CNTN4: variants seen among roughly 807,000 people sequenced by gnomAD.
The protein encoded by CNTN4 is contactin-4.
Under a neutral mutation model 122.5 loss-of-function variants are expected in CNTN4, and 77 were observed. That is an observed-to-expected ratio of 0.63 (90% CI 0.52 to 0.76). CNTN4 has a LOEUF of 0.76. CNTN4 is among the 30% of genes least tolerant of loss of function. CNTN4 has a pLI of 0.00. For synonymous variants in CNTN4, 512 were observed against 447.0 expected, an observed-to-expected ratio of 1.15 and a Z score of -1.83; for missense variants, 1,256 against 1,259.1, an observed-to-expected ratio of 1.00 and a Z score of 0.04.
At chr3:2,354,437 A>G (rs1004589579) in intron 3 of CNTN4, among the ~76,000 whole-genome samples, 1 of 152,214 alleles carries the variant, frequency 6.6e-6, no homozygotes, top group African/African-American at 2.4e-5. Context: ...AGGCTGAGGC[A>G]GGAGAATCAC....
intron 13 of CNTN4, among the ~76,000 whole-genome samples, chr3:2,970,015 A>G: frequency 6.6e-6 from 1 of 152,172 alleles, no homozygotes; most frequent in East Asian, 1.9e-4. Flanking sequence ...CTCTGCACAG[A>G]AAGAAATTCA....
chr3:2,391,225 A>ATGACTG (rs1384128868), intron 3 of CNTN4, among the ~76,000 whole-genome samples: 6 of 152,210 alleles, frequency 3.9e-5, no homozygotes, highest in African/African-American at 1.4e-4. Flanking sequence ...CCAATCAAAA[A>ATGACTG]TGACTGAAGC....
At chr3:2,357,486 A>G (rs767819293) in intron 3 of CNTN4, among the ~76,000 whole-genome samples, 2 of 152,172 alleles carry the variant, frequency 1.3e-5, no homozygotes, top group African/African-American at 2.4e-5. Flanking sequence ...ATCGCTGTCT[A>G]GTTTTCAGCT....
chr3:2,275,397 C>T (rs2041466272), intron 2 of CNTN4, among the ~76,000 whole-genome samples: 1 of 152,172 alleles, frequency 6.6e-6, no homozygotes. Flanking sequence ...ATCGGCACTA[C>T]AGTTTTTATT....
At chr3:2,939,077 T>G (rs918691221) in intron 13 of CNTN4, among the ~76,000 whole-genome samples, 1 of 152,208 alleles carries the variant, frequency 6.6e-6, no homozygotes, top group Non-Finnish European at 1.5e-5. Flanking sequence ...CATGTAAATA[T>G]TGAAGGTCTG....
chr3:2,347,036 A>G (rs2150405976), intron 3 of CNTN4, among the ~76,000 whole-genome samples: 1 of 152,224 alleles, frequency 6.6e-6, no homozygotes, highest in South Asian at 2.1e-4. Flanking sequence ...TTCATTTTGC[A>G]TTATAAGAAA....
chr3:2,973,336 G>A (rs992726468), intron 13 of CNTN4, among the ~76,000 whole-genome samples: 3 of 151,920 alleles, frequency 2.0e-5, no homozygotes, highest in African/African-American at 7.3e-5. Context: ...AGGCTTTATT[G>A]AGTTTTACAG....
chr3:2,674,364 CA>C (rs1363941126), intron 4 of CNTN4, among the ~76,000 whole-genome samples: 2 of 152,012 alleles, frequency 1.3e-5, no homozygotes, highest in Non-Finnish European at 1.5e-5. Flanking sequence ...ATGATCAAAT[CA>C]GGGTAATTAG....
Position 2,784,512 on chromosome 3 carries a change from A to G in CNTN4, c.359-34974A>G, listed in dbSNP as rs1188647103. ...ACAACTAAGAAGTGGTAGAAATAATATTCAAAGTTAAACCATACTCTGATG... is the reference window on the plus strand; with the variant it reads ...ACAACTAAGAAGTGGTAGAAATAATGTTCAAAGTTAAACCATACTCTGATG... On this transcript the variant is annotated intron_variant, in intron 6 of 24. Coordinates refer to ENST00000418658, the MANE Select transcript of CNTN4 (RefSeq NM_175607.3). Among the ~76,000 whole-genome samples, 5 of 152,222 alleles carry G rather than the reference A, an allele frequency of 3.3e-5. No individual in the cohort carries two copies. In the East Asian group the frequency reaches 9.6e-4, roughly 29 times the overall value.
intron 4 of CNTN4, among the ~76,000 whole-genome samples, chr3:2,652,138 C>T (rs1314083339): frequency 6.6e-6 from 1 of 151,772 alleles, no homozygotes; most frequent in Admixed American, 6.6e-5. Context: ...AGGAGGATTG[C>T]TTGAGCTCAC....
intron 2 of CNTN4, among the ~76,000 whole-genome samples, chr3:2,155,524 G>T (rs998596478): frequency 6.6e-6 from 1 of 152,104 alleles, no homozygotes; most frequent in Non-Finnish European, 1.5e-5. Flanking sequence ...TTTTTCTTTT[G>T]CCTGACTTGA....
rs560033156 is a variant in CNTN4 at position 3,053,410 on chromosome 3, G to A, written c.2812-397G>A. 1.4e-3 allele frequency among the ~76,000 whole-genome samples: 220 copies of A among 152,294 alleles called. 1 individual carries two copies. In the Middle Eastern group the frequency reaches 0.017, roughly 12 times the overall value. On this transcript the variant is annotated intron_variant, in intron 23 of 24. Transcript: ENST00000418658. Reference sequence around the variant, plus strand: ...CCCTTTTACAGATGACTGAAGTGAGGCTCTGAAAGGTGAAGTGGCCTGTGA... The same window carrying A: ...CCCTTTTACAGATGACTGAAGTGAGACTCTGAAAGGTGAAGTGGCCTGTGA...
Position 2,396,290 on chromosome 3 carries a change from G to T in CNTN4, c.-89+57057G>T, listed in dbSNP as rs548975851. ...TCTGCCCTCCTTGGCCTTCCAAAGT[G>T]CTGGGATTACAGGCATGAGCCAAAG... On this transcript the variant is annotated intron_variant, in intron 3 of 24. Transcript: ENST00000418658. Among the ~76,000 whole-genome samples the T allele has an allele frequency of 2.6e-5, 4 of 152,276 alleles. No homozygotes were observed. The South Asian group carries it at 8.3e-4, about 32-fold the overall frequency.
intron 13 of CNTN4, among the ~76,000 whole-genome samples, chr3:2,956,075 T>C (rs566371002): frequency 5.3e-5 from 8 of 152,138 alleles, no homozygotes; most frequent in African/African-American, 1.9e-4. Flanking sequence ...ATAAACAAAC[T>C]GGGGTATACA....
chr3:2,656,854 A>G (rs978980150), intron 4 of CNTN4, among the ~76,000 whole-genome samples: 5 of 152,192 alleles, frequency 3.3e-5, no homozygotes, highest in African/African-American at 1.2e-4. Flanking sequence ...TGGTGGAAGG[A>G]CTGCCAGTTT....
chr3:2,890,057 G>C (rs1319020741), intron 10 of CNTN4, among the ~76,000 whole-genome samples: 1 of 152,224 alleles, frequency 6.6e-6, no homozygotes, highest in Non-Finnish European at 1.5e-5. Context: ...GCTTTCTGAA[G>C]ATAACTCAGC....
chr3:2,169,833 G>GA, intron 2 of CNTN4, among the ~76,000 whole-genome samples: 1 of 151,954 alleles, frequency 6.6e-6, no homozygotes, highest in South Asian at 2.1e-4. Context: ...ACAATGCTCT[G>GA]AAGATTATAG....
chr3:2,665,288 TGTTA>T (rs2084096684), intron 4 of CNTN4, among the ~76,000 whole-genome samples: 1 of 152,216 alleles, frequency 6.6e-6, no homozygotes, highest in Non-Finnish European at 1.5e-5. Flanking sequence ...AGTTTGAAGC[TGTTA>T]GTTGATCTTT....
chr3:2,802,064 A>G (rs999355346), intron 6 of CNTN4, among the ~76,000 whole-genome samples: 2 of 152,180 alleles, frequency 1.3e-5, no homozygotes. Context: ...TGTTCTTGCC[A>G]TTATTATCAT....
Sources: gnomAD v4.1 joint callset for allele counts (sites outside exome capture counted in the v4.1 genomes callset) on GRCh38, gnomAD v4.1.1 for gene constraint, MANE v1.5 for transcripts, NCBI Gene and HGNC (gene_info 2026-07-23, HGNC 2026-07-21) for gene names.